The following CADM2 variants were observed in gnomAD, a reference collection of about 807,000 sequenced individuals.
CADM2 encodes the protein cell adhesion molecule 2.
CADM2 carries 12 observed loss-of-function variants against 49.8 expected under a neutral mutation model. The observed-to-expected ratio is 0.24, with a 90% CI of 0.15 to 0.39. CADM2 has a LOEUF of 0.39. Among genes scored for constraint, CADM2 ranks in the 10% least tolerant of loss-of-function variants. CADM2 has a pLI of 1.00. For missense variants in CADM2, 378 were observed against 492.3 expected (o/e 0.77, Z 2.20); for synonymous variants, 214 against 175.4 (o/e 1.22, Z -1.74).
chr3:85,799,242 C>A (rs758213931), intron 2 of CADM2, among the ~76,000 whole-genome samples: 33 of 152,282 alleles, frequency 2.2e-4, no homozygotes, highest in Admixed American at 1.2e-3. Context: ...TTCCTCTCTT[C>A]CTATTTGAAT....
At chr3:85,453,287 G>A (rs1005727071) in intron 1 of CADM2, among the ~76,000 whole-genome samples, 3 of 151,566 alleles carry the variant, frequency 2.0e-5, no homozygotes, top group South Asian at 2.1e-4. Flanking sequence ...ATGTTTCTTT[G>A]AAAAAAATTT....
intron 1 of CADM2, among the ~76,000 whole-genome samples, chr3:85,288,596 A>G (rs1172407514): frequency 2.6e-5 from 4 of 152,124 alleles, no homozygotes; most frequent in Admixed American, 2.6e-4. Flanking sequence ...TTGCAGGCAT[A>G]TTTCAAATAA....
At chr3:85,562,147 A>G in intron 1 of CADM2, among the ~76,000 whole-genome samples, 1 of 152,084 alleles carries the variant, frequency 6.6e-6, no homozygotes. Context: ...TAGAGGGAGC[A>G]TGGAATCAAA....
intron 1 of CADM2, among the ~76,000 whole-genome samples, chr3:85,209,418 G>C (rs915643612): frequency 6.6e-6 from 1 of 151,906 alleles, no homozygotes; most frequent in African/African-American, 2.4e-5. Flanking sequence ...TTGATTTCCC[G>C]AGATCAGAAA....
rs556646181 is a variant in CADM2, at chr3:85,147,142, G to T, written c.61+187474G>T. 3.3e-5 allele frequency among the ~76,000 whole-genome samples: 5 copies of T among 151,970 alleles called. No homozygotes were observed. The South Asian group carries it at 1.0e-3, about 32-fold the overall frequency. ...ACAAGAAAATTAGCCGGGCATGGTGGCGGGCGCCTGTAGTCCCAGCTACTC... is the reference window on the plus strand; with the variant it reads ...ACAAGAAAATTAGCCGGGCATGGTGTCGGGCGCCTGTAGTCCCAGCTACTC... On this transcript the variant is annotated intron_variant, in intron 1 of 9. Transcript: ENST00000383699.
At chr3:85,537,679 A>G (rs1437498804) in intron 1 of CADM2, among the ~76,000 whole-genome samples, 3 of 152,126 alleles carry the variant, frequency 2.0e-5, no homozygotes, top group Non-Finnish European at 4.4e-5. Context: ...AAATTGAACA[A>G]TATTCAGATT....
intron 5 of CADM2, among the ~76,000 whole-genome samples, chr3:85,904,061 T>C (rs1489253388): frequency 6.6e-6 from 1 of 152,142 alleles, no homozygotes; most frequent in African/African-American, 2.4e-5. Flanking sequence ...CTTACTTGCT[T>C]TCTTCCAAAG....
chr3:85,907,930 A>G (rs56282418), intron 5 of CADM2, among the ~76,000 whole-genome samples: 99,428 of 150,766 alleles, frequency 0.66, 33,417 homozygotes, highest in African/African-American at 0.78. Flanking sequence ...AAAAAAGAAG[A>G]TATCTTCTTT....
intron 1 of CADM2, among the ~76,000 whole-genome samples, chr3:85,168,817 A>G (rs1433065504): frequency 6.6e-6 from 1 of 152,148 alleles, no homozygotes; most frequent in Non-Finnish European, 1.5e-5. Flanking sequence ...TCTTAGTGGA[A>G]TATTAGCTAC....
intron 1 of CADM2, among the ~76,000 whole-genome samples, chr3:85,483,285 A>C (rs1213231089): frequency 6.6e-6 from 1 of 151,532 alleles, no homozygotes; most frequent in African/African-American, 2.4e-5. Context: ...GTAAGTTTTA[A>C]GATTTTGTAT....
intron 1 of CADM2, among the ~76,000 whole-genome samples, chr3:85,103,892 T>A (rs1471428037): frequency 6.6e-6 from 1 of 152,138 alleles, no homozygotes; most frequent in East Asian, 1.9e-4. Flanking sequence ...AGAAATTGGA[T>A]TATTTTTGAG....
Position 85,916,298 on chromosome 3 carries a change from T to A in CADM2, c.700+3755T>A, listed in dbSNP as rs1559740309. Among the ~76,000 whole-genome samples, 2 of 151,576 alleles carry A rather than the reference T, an allele frequency of 1.3e-5. 1 individual carries two copies. The highest frequency in any genetic ancestry group is 1.3e-4 in the Admixed American group (2 of 15,170). On this transcript the variant is annotated intron_variant, in intron 6 of 9. Transcript: ENST00000383699. The stretch of plus-strand genomic sequence containing the variant: ...AACTGGTCATTTAGCGTTAGGTATA[T>A]CTCCTAATACTATCCCTTCCCCCTC...
chr3:85,762,035 A>G (rs1253613306), intron 2 of CADM2, among the ~76,000 whole-genome samples: 1 of 152,156 alleles, frequency 6.6e-6, no homozygotes, highest in Non-Finnish European at 1.5e-5. Flanking sequence ...GAAATACTAA[A>G]TGAAAGGAGG....
chr3:85,399,569 G>A (rs1008260193), intron 1 of CADM2, among the ~76,000 whole-genome samples: 6 of 152,198 alleles, frequency 3.9e-5, no homozygotes, highest in Admixed American at 3.3e-4. Context: ...ACCTTGGGCA[G>A]TATGGCCATT....
rs908299985 is a variant in CADM2, at chr3:85,831,460, G to A, written c.238+29264G>A. Among the ~76,000 whole-genome samples the A allele has an allele frequency of 5.3e-5, 8 of 151,952 alleles. No homozygotes were observed. The East Asian group carries it at 7.8e-4, about 15-fold the overall frequency. ...TACATTCCCACAAACAGTTTGTAAC[G>A]GTTCCCTTTTCTCTGCAACCTTGCC... On this transcript the variant is annotated intron_variant, in intron 3 of 9. Coordinates refer to ENST00000383699, the MANE Select transcript of CADM2 (RefSeq NM_001167675.2).
chr3:85,353,094 A>G (rs1452824874), intron 1 of CADM2, among the ~76,000 whole-genome samples: 1 of 152,158 alleles, frequency 6.6e-6, no homozygotes, highest in Non-Finnish European at 1.5e-5. Flanking sequence ...GAGATCTTCT[A>G]GTAAAATGAT....
intron 1 of CADM2, among the ~76,000 whole-genome samples, chr3:85,452,595 A>G (rs1023918290): frequency 6.6e-6 from 1 of 152,164 alleles, no homozygotes; most frequent in South Asian, 2.1e-4. Context: ...AGAGACAAAC[A>G]GTTGTTCCAA....
intron 1 of CADM2, among the ~76,000 whole-genome samples, chr3:85,197,136 A>C (rs1378316890): frequency 1.3e-5 from 2 of 151,960 alleles, no homozygotes; most frequent in African/African-American, 4.8e-5. Flanking sequence ...AGAAGGAAGA[A>C]TCAAATGTAT....
chr3:85,699,947 A>T (rs911527667), intron 1 of CADM2, among the ~76,000 whole-genome samples: 3 of 152,162 alleles, frequency 2.0e-5, no homozygotes, highest in African/African-American at 7.2e-5. Context: ...TTCTAGTTTT[A>T]CTAGAAATAC....
Sources: allele counts gnomAD v4.1 joint callset (sites outside exome capture counted in the v4.1 genomes callset), GRCh38; gene constraint gnomAD v4.1.1; transcripts MANE v1.5; gene names NCBI Gene and HGNC (gene_info 2026-07-23, HGNC 2026-07-21).